NREP: variants seen among roughly 807,000 people sequenced by gnomAD.
NREP encodes the protein neuronal regeneration-related protein.
NREP carries 5 observed loss-of-function variants against 8.6 expected under a neutral mutation model. The ratio of observed to expected loss-of-function variants is 0.58; its 90% CI spans 0.30 to 1.22. The LOEUF (loss-of-function observed/expected upper bound fraction) is 1.22. Among genes scored for constraint, NREP ranks in the 50% most tolerant of loss-of-function variants. The pLI is 0.07. For missense variants in NREP, 86 were observed against 82.5 expected, an observed-to-expected ratio of 1.04 and a Z score of -0.17; for synonymous variants, 27 against 28.0, an observed-to-expected ratio of 0.96 and a Z score of 0.11.
chr5:111,969,516 C>T (rs1756741982), intron 2 of NREP: 1 of 152,092 alleles, frequency 6.6e-6, no homozygotes, highest in African/African-American at 2.4e-5. Context: ...TCTTCTATAA[C>T]CTAAATGAGA....
chr5:111,830,142 A>C (rs1040331169), intron 2 of NREP, among the ~76,000 whole-genome samples: 5 of 151,900 alleles, frequency 3.3e-5, no homozygotes, highest in Admixed American at 6.6e-5. Flanking sequence ...AAATGTTAGG[A>C]GTTTTCAGCT....
chr5:111,796,317 A>G (rs1002345437), intron 2 of NREP, among the ~76,000 whole-genome samples: 1 of 152,080 alleles, frequency 6.6e-6, no homozygotes, highest in East Asian at 1.9e-4. Flanking sequence ...TCGTGATCAT[A>G]TTGGGCCCAG....
At chr5:111,731,529 C>A (rs975697555) in intron 3 of NREP, among the ~76,000 whole-genome samples, 2 of 151,824 alleles carry the variant, frequency 1.3e-5, no homozygotes, top group African/African-American at 4.8e-5. Flanking sequence ...TCTCAACTTG[C>A]ATCAATCTTA....
chr5:111,735,418 T>G lies in NREP; in HGVS notation c.81+12A>C, dbSNP rs755966426. On this transcript the variant is annotated intron_variant, in intron 3 of 3. Coordinates refer to ENST00000257435, the MANE Select transcript of NREP (RefSeq NM_004772.4). ...AAAATAGTGTTAACAATATGGCATCTAAGGATCTTACCTTAGGAAGCCTTC... is the reference window on the plus strand; with the variant it reads ...AAAATAGTGTTAACAATATGGCATCGAAGGATCTTACCTTAGGAAGCCTTC... 9 of 1,586,080 alleles carry G rather than the reference T, an allele frequency of 5.7e-6. No individual in the cohort carries two copies. The Admixed American group carries it at 1.5e-4, about 26-fold the overall frequency.
intron 2 of NREP, among the ~76,000 whole-genome samples, chr5:111,908,802 T>C (rs1472528929): frequency 6.6e-6 from 1 of 152,046 alleles, no homozygotes; most frequent in Admixed American, 6.6e-5. Context: ...ACTAACGGAA[T>C]TGCTAGGTCA....
chr5:111,895,759 G>A lies in NREP; in HGVS notation c.135+79515C>T, dbSNP rs575995420. Reference sequence around the variant, plus strand: ...TCTACCCAATGAATGCCAGTAGCACGTCCCAGTCATGACAACAAAAAATAT... The same window carrying A: ...TCTACCCAATGAATGCCAGTAGCACATCCCAGTCATGACAACAAAAAATAT... On this transcript the variant is annotated intron_variant, in intron 2 of 3. Transcript: ENST00000395634. Among the ~76,000 whole-genome samples the A allele has an allele frequency of 5.9e-5, 9 of 152,116 alleles. No individual in the cohort carries two copies. In the South Asian group the frequency reaches 1.2e-3, roughly 21 times the overall value.
intron 2 of NREP, among the ~76,000 whole-genome samples, chr5:111,956,963 CTAAATAAATAAATAAA>C: frequency 1.4e-5 from 2 of 142,904 alleles, no homozygotes; most frequent in South Asian, 4.6e-4. Flanking sequence ...GACCATGTCT[CTAAATAAATAAATAAA>C]TAAATAAATA....
At chr5:111,883,698 C>T (rs1754150349) in intron 2 of NREP, among the ~76,000 whole-genome samples, 1 of 152,150 alleles carries the variant, frequency 6.6e-6, no homozygotes, top group African/African-American at 2.4e-5. Context: ...TACATGGAAA[C>T]TGAACAACCT....
At chr5:111,878,762 C>A (rs1164331821) in intron 2 of NREP, among the ~76,000 whole-genome samples, 1 of 152,120 alleles carries the variant, frequency 6.6e-6, no homozygotes, top group Admixed American at 6.5e-5. Context: ...CACTTGAGCA[C>A]TTCTCTCATC....
intron 2 of NREP, among the ~76,000 whole-genome samples, chr5:111,875,715 G>A (rs1355366909): frequency 6.6e-6 from 1 of 152,188 alleles, no homozygotes; most frequent in African/African-American, 2.4e-5. Flanking sequence ...ACTAGTGGAA[G>A]TAATTTTAAA....
At chr5:111,861,767 T>A (rs1421389034) in intron 2 of NREP, among the ~76,000 whole-genome samples, 1 of 152,158 alleles carries the variant, frequency 6.6e-6, no homozygotes, top group Non-Finnish European at 1.5e-5. Flanking sequence ...AAATAAATAT[T>A]AATGATAATC....
At chr5:111,908,478 T>C (rs1754829700) in intron 2 of NREP, among the ~76,000 whole-genome samples, 1 of 152,048 alleles carries the variant, frequency 6.6e-6, no homozygotes, top group African/African-American at 2.4e-5. Context: ...ATCATCTTTA[T>C]GTCCATGTGT....
chr5:111,941,139 C>G (rs961251143), intron 2 of NREP, among the ~76,000 whole-genome samples: 1 of 152,054 alleles, frequency 6.6e-6, no homozygotes, highest in African/African-American at 2.4e-5. Context: ...TCAAACTTTT[C>G]TTTCACAAAG....
intron 2 of NREP, among the ~76,000 whole-genome samples, chr5:111,824,256 C>G (rs1459063103): frequency 8.5e-5 from 13 of 152,160 alleles, no homozygotes; most frequent in East Asian, 1.9e-4. Flanking sequence ...GTAATCCCAG[C>G]TACTCGGGAG....
chr5:111,741,066 C>T (rs889740102), intron 2 of NREP, among the ~76,000 whole-genome samples: 1 of 152,142 alleles, frequency 6.6e-6, no homozygotes, highest in African/African-American at 2.4e-5. Context: ...TTGTTAACGA[C>T]CATAACTGTA....
intron 2 of NREP, among the ~76,000 whole-genome samples, chr5:111,749,960 G>C (rs1220633519): frequency 1.3e-5 from 2 of 152,234 alleles, no homozygotes; most frequent in Admixed American, 6.5e-5. Flanking sequence ...AAGTGAGTGA[G>C]TGTGTGTGTT....
chr5:111,758,298 C>T (rs1581095177), upstream of NREP: 3 of 975,594 alleles, frequency 3.1e-6, no homozygotes, highest in South Asian at 4.7e-5. Context: ...AAGACATACT[C>T]CCCTGGTGCT....
chr5:111,795,008 A>G (rs976912876), intron 2 of NREP, among the ~76,000 whole-genome samples: 2 of 151,994 alleles, frequency 1.3e-5, no homozygotes, highest in Admixed American at 6.6e-5. Context: ...AAAAAAAAAA[A>G]AAAGAAAAAA....
rs34667486 is a variant in NREP at position 111,871,053 on chromosome 5, CGTGTGT to C, written c.135+104215_135+104220del. Reference sequence around the variant, plus strand: ...TTCTCTAGAAAAACAGAACCAATGGCGTGTGTGTGTGTGTGTGTGTGTGTGTGTGTG... The same window carrying C: ...TTCTCTAGAAAAACAGAACCAATGGCGTGTGTGTGTGTGTGTGTGTGTGTG... On this transcript the variant is annotated intron_variant, in intron 2 of 3. Coordinates refer to the NREP transcript ENST00000395634. Among the ~76,000 whole-genome samples the C allele has an allele frequency of 8.2e-3, 1,166 of 142,688 alleles. 13 individuals are homozygous for C. The highest frequency in any genetic ancestry group is 0.028 in the African/African-American group (1,083 of 38,060). 93.6% of individuals were successfully genotyped at this position (142,688 alleles called of 152,430 possible). A position where few individuals can be genotyped will look rare whatever the true frequency, so the allele number is the denominator to read the frequency against.
Sources: allele counts gnomAD v4.1 joint callset (sites outside exome capture counted in the v4.1 genomes callset), GRCh38; gene constraint gnomAD v4.1.1; transcripts MANE v1.5; gene names NCBI Gene and HGNC (gene_info 2026-07-23, HGNC 2026-07-21).